ANO4: variants seen among roughly 807,000 people sequenced by gnomAD.
ANO4 encodes the protein anoctamin-4.
In ANO4, 69 loss-of-function variants were observed where a neutral mutation model predicts 141.9. That is an observed-to-expected ratio of 0.49 (90% CI 0.40 to 0.59). The LOEUF is 0.59. Among genes scored for constraint, ANO4 ranks in the 20% least tolerant of loss-of-function variants. The probability of loss-of-function intolerance (pLI) is 0.00; values close to 1 mark genes in which losing one functional copy is unlikely to be tolerated. For synonymous variants in ANO4, 350 were observed against 394.3 expected (o/e 0.89, Z 1.33); for missense variants, 894 against 1,162.2 (o/e 0.77, Z 3.36).
chr12:101,114,375 A>G (rs1394916880), intron 24 of ANO4, among the ~76,000 whole-genome samples: 1 of 152,206 alleles, frequency 6.6e-6, no homozygotes, highest in Non-Finnish European at 1.5e-5. Context: ...TATGGAAGGA[A>G]GATGTACACA....
intron 15 of ANO4, 152 bp from the exon 16 acceptor site, chr12:101,083,526 C>T: frequency 1.2e-6 from 1 of 853,490 alleles, no homozygotes; most frequent in East Asian, 3.0e-5. Context: ...AATTTTCAAA[C>T]ATTTAAGCCT....
chr12:100,862,453 C>T (rs2038531730), intron 1 of ANO4, among the ~76,000 whole-genome samples: 1 of 152,098 alleles, frequency 6.6e-6, no homozygotes, highest in African/African-American at 2.4e-5. Context: ...TCATAAGTAG[C>T]TAGGATTACA....
chr12:100,967,104 C>G (rs1354557145), intron 5 of ANO4, among the ~76,000 whole-genome samples: 5 of 152,058 alleles, frequency 3.3e-5, no homozygotes, highest in Non-Finnish European at 7.4e-5. Context: ...TGAATCTTAT[C>G]TCTTTTTACT....
In ANO4 at chr12:101,126,783, A is replaced by G. The variant is rs1446221555; in HGVS notation, c.2677-96A>G. The G allele has an allele frequency of 1.2e-5, 14 of 1,168,904 alleles. No individual in the cohort carries two copies. The East Asian group carries it at 2.7e-4, about 23-fold the overall frequency. 72.4% of individuals were successfully genotyped at this position (1,168,904 alleles called of 1,614,324 possible). A position where few individuals can be genotyped will look rare whatever the true frequency, so the allele number is the denominator to read the frequency against. ...CCCCTGGTCACTTTGCACTCTCCACATACCCCAGAGGGTCCACATCCTTCT... is the reference window on the plus strand; with the variant it reads ...CCCCTGGTCACTTTGCACTCTCCACGTACCCCAGAGGGTCCACATCCTTCT... On this transcript the variant is annotated intron_variant, in intron 26 of 27. Transcript: ENST00000392977.
At position 100,788,448 on chromosome 12, in the gene ANO4, A is replaced by G. The variant is rs1593332454; in HGVS notation, c.358+48343A>G. On this transcript the variant is annotated intron_variant, in intron 3 of 29. Transcript: ENST00000644049. Reference sequence around the variant, plus strand: ...GTTTCTGTAGGGTGCAAGAGTTGGCATATTATTTGTAGGTTTTCCTGTCAC... The same window carrying G: ...GTTTCTGTAGGGTGCAAGAGTTGGCGTATTATTTGTAGGTTTTCCTGTCAC... Among the ~76,000 whole-genome samples, 4 of 152,140 alleles carry G rather than the reference A, an allele frequency of 2.6e-5. No homozygotes were observed. The South Asian group carries it at 8.3e-4, about 31-fold the overall frequency.
intron 1 of ANO4, among the ~76,000 whole-genome samples, chr12:100,868,036 C>CTT (rs2038845671): frequency 6.6e-6 from 1 of 152,218 alleles, no homozygotes; most frequent in Admixed American, 6.5e-5. Flanking sequence ...GGCCAAGACT[C>CTT]TGTCACCTGT....
At chr12:100,802,193 C>T (rs557439885) in intron 1 of ANO4, among the ~76,000 whole-genome samples, 2 of 152,152 alleles carry the variant, frequency 1.3e-5, no homozygotes, top group Non-Finnish European at 2.9e-5. Context: ...TGTATTTCTA[C>T]TGTAAAAATT....
At chr12:101,056,792 G>A (rs1270973201) in intron 14 of ANO4, among the ~76,000 whole-genome samples, 1 of 151,438 alleles carries the variant, frequency 6.6e-6, no homozygotes, top group Non-Finnish European at 1.5e-5. Context: ...TAAAAATCAT[G>A]AATGGGTATA....
At chr12:100,846,705 A>G (rs1204978606) in intron 1 of ANO4, among the ~76,000 whole-genome samples, 1 of 152,100 alleles carries the variant, frequency 6.6e-6, no homozygotes, top group East Asian at 1.9e-4. Flanking sequence ...GATTAATTCG[A>G]TACTGTGCAT....
chr12:100,968,779 C>T (rs1340295840), intron 5 of ANO4, among the ~76,000 whole-genome samples: 2 of 152,158 alleles, frequency 1.3e-5, no homozygotes, highest in Admixed American at 1.3e-4. Flanking sequence ...AGCTGTGAGA[C>T]CATTTCAGAT....
intron 15 of ANO4, 118 bp from the exon 16 acceptor site, chr12:101,083,560 G>A: frequency 7.8e-7 from 1 of 1,276,984 alleles, no homozygotes; most frequent in Non-Finnish European, 1.1e-6. Context: ...CACTTCATTG[G>A]TTGACTAATT....
intron 26 of ANO4, among the ~76,000 whole-genome samples, chr12:101,126,419 T>TA (rs1450362463): frequency 5.9e-5 from 9 of 152,338 alleles, no homozygotes; most frequent in Admixed American, 1.3e-4. Flanking sequence ...TGATAATTCT[T>TA]ATAACCAAGA....
intron 3 of ANO4, among the ~76,000 whole-genome samples, chr12:100,787,303 G>A (rs1428574407): frequency 3.9e-5 from 6 of 152,152 alleles, no homozygotes; most frequent in Non-Finnish European, 8.8e-5. Context: ...ACAGGAGGAG[G>A]GCAGGGAAAA....
chr12:100,915,015 C>G (rs184835393), intron 2 of ANO4, among the ~76,000 whole-genome samples: 134 of 152,030 alleles, frequency 8.8e-4, no homozygotes, highest in African/African-American at 3.1e-3. Flanking sequence ...AGATGGAGGT[C>G]TTGCTATATT....
At chr12:101,057,438 C>T (rs193207730) in intron 14 of ANO4, among the ~76,000 whole-genome samples, 91 of 152,252 alleles carry the variant, frequency 6.0e-4, no homozygotes, top group African/African-American at 2.0e-3. Flanking sequence ...ACATTGGTTT[C>T]CACAATGATT....
chr12:100,820,695 T>TACC (rs1174643892), intron 1 of ANO4, among the ~76,000 whole-genome samples: 2 of 152,198 alleles, frequency 1.3e-5, no homozygotes, highest in Non-Finnish European at 2.9e-5. Context: ...GCAGTTGAGA[T>TACC]TCTGAACTAC....
At chr12:100,988,654 C>T (rs1323915006) in intron 8 of ANO4, among the ~76,000 whole-genome samples, 1 of 151,634 alleles carries the variant, frequency 6.6e-6, no homozygotes, top group African/African-American at 2.4e-5. Context: ...AGGCAGATCA[C>T]GAGGTCAAGA....
At chr12:100,810,300 C>T (rs1217875575) in intron 1 of ANO4, among the ~76,000 whole-genome samples, 1 of 151,940 alleles carries the variant, frequency 6.6e-6, no homozygotes, top group Non-Finnish European at 1.5e-5. Flanking sequence ...GCAGAGGGAA[C>T]AGCCAGTGCA....
chr12:100,987,692 C>T, intron 8 of ANO4, 22 bp downstream of exon 8: 2 of 1,612,378 alleles, frequency 1.2e-6, no homozygotes, highest in Non-Finnish European at 1.7e-6. Context: ...ATGTTAAAGC[C>T]CCATCTCACT....
Sources: gnomAD v4.1 joint callset for allele counts (sites outside exome capture counted in the v4.1 genomes callset) on GRCh38, gnomAD v4.1.1 for gene constraint, MANE v1.5 for transcripts, NCBI Gene and HGNC (gene_info 2026-07-23, HGNC 2026-07-21) for gene names.